The following FSTL4 variants were observed in gnomAD, a reference collection of about 807,000 sequenced individuals.
FSTL4 encodes follistatin like 4.
FSTL4 carries 28 observed loss-of-function variants against 78.2 expected under a neutral mutation model. The observed-to-expected ratio is 0.36, with a 90% CI of 0.27 to 0.49. The LOEUF is 0.49. Ranked by LOEUF, FSTL4 falls within the 20% of genes least tolerant of loss-of-function variation. The pLI is 0.98. For synonymous variants in FSTL4, 422 were observed against 440.5 expected (o/e 0.96, Z 0.53); for missense variants, 922 against 1,084.9 (o/e 0.85, Z 2.11).
the FSTL4 span, among the ~76,000 whole-genome samples, chr5:133,676,402 A>C: frequency 6.6e-6 from 1 of 152,222 alleles, no homozygotes; most frequent in South Asian, 2.1e-4. Context: ...AGTGTTCTTC[A>C]TTCTCTTAAA....
the FSTL4 span, among the ~76,000 whole-genome samples, chr5:133,624,076 T>C: frequency 6.6e-6 from 1 of 151,984 alleles, no homozygotes; most frequent in African/African-American, 2.4e-5. Context: ...AAAATGGTCA[T>C]ATGACCCAGC....
chr5:133,451,611 C>A (rs1360487300), intron 3 of FSTL4, among the ~76,000 whole-genome samples: 1 of 152,012 alleles, frequency 6.6e-6, no homozygotes, highest in Non-Finnish European at 1.5e-5. Context: ...CCAACAGGAC[C>A]AAAACACAGC....
chr5:133,335,126 G>T (rs1225825253), intron 4 of FSTL4, among the ~76,000 whole-genome samples: 1 of 152,196 alleles, frequency 6.6e-6, no homozygotes, highest in South Asian at 2.1e-4. Context: ...TGTTGAAGGC[G>T]TGGCTGGCCG....
At chr5:133,748,290 C>A in the FSTL4 span, among the ~76,000 whole-genome samples, 2 of 152,042 alleles carry the variant, frequency 1.3e-5, no homozygotes, top group Non-Finnish European at 2.9e-5. Flanking sequence ...CATAGAGAGG[C>A]CAGGTGTGGT....
At chr5:133,299,982 C>T (rs1408421278) in intron 6 of FSTL4, among the ~76,000 whole-genome samples, 1 of 152,222 alleles carries the variant, frequency 6.6e-6, no homozygotes, top group Non-Finnish European at 1.5e-5. Flanking sequence ...CCCCACCTTC[C>T]TCACAGCTGG....
chr5:133,468,719 C>T (rs1353929427), intron 3 of FSTL4, among the ~76,000 whole-genome samples: 4 of 152,144 alleles, frequency 2.6e-5, no homozygotes, highest in African/African-American at 7.2e-5. Context: ...GGGCAAACTC[C>T]CCCAGTTGTT....
At chr5:133,374,387 C>T (rs1331503596) in intron 4 of FSTL4, among the ~76,000 whole-genome samples, 1 of 152,198 alleles carries the variant, frequency 6.6e-6, no homozygotes, top group Non-Finnish European at 1.5e-5. Context: ...TTACCAGAGA[C>T]AAGCCTGAGT....
At chr5:133,452,643 ATTGAGGCTCAAAGAGGT>A (rs1386662085) in intron 3 of FSTL4, among the ~76,000 whole-genome samples, 4 of 151,620 alleles carry the variant, frequency 2.6e-5, no homozygotes, top group Non-Finnish European at 5.9e-5. Flanking sequence ...AGATGAAGAA[ATTGAGGCTCAAAGAGGT>A]TAAGCAATCA....
At chr5:133,595,919 G>A (rs1347864798) in intron 2 of FSTL4, among the ~76,000 whole-genome samples, 1 of 152,256 alleles carries the variant, frequency 6.6e-6, no homozygotes, top group Admixed American at 6.5e-5. Flanking sequence ...TGCACTTGAA[G>A]CAAAGGCAGG....
In FSTL4 at chr5:133,295,301, CATCT is replaced by C. The variant is rs374872176; in HGVS notation, c.727+17349_727+17352del. ...CTGTTAACTGGGTCTGCCGCCCATC[CATCT>C]AAGACAATCCCCAACCTGGGCCCTG... On this transcript the variant is annotated intron_variant, in intron 6 of 15. Transcript: ENST00000265342. Among the ~76,000 whole-genome samples, 6 of 152,236 alleles carry C rather than the reference CATCT, an allele frequency of 3.9e-5. No individual in the cohort carries two copies. The East Asian group carries it at 1.2e-3, about 30-fold the overall frequency.
At chr5:133,222,706 C>T (rs898134826) in intron 11 of FSTL4, among the ~76,000 whole-genome samples, 11 of 152,330 alleles carry the variant, frequency 7.2e-5, no homozygotes, top group African/African-American at 2.4e-4. Flanking sequence ...AAGTAATTGA[C>T]TTCACGGGAT....
At chr5:133,791,668 C>T in the FSTL4 span, among the ~76,000 whole-genome samples, 2 of 152,364 alleles carry the variant, frequency 1.3e-5, no homozygotes, top group African/African-American at 4.8e-5. Context: ...AAACTGCCCT[C>T]GTCTGTCTAC....
intron 4 of FSTL4, among the ~76,000 whole-genome samples, chr5:133,346,355 C>T (rs1051403313): frequency 3.3e-5 from 5 of 152,192 alleles, no homozygotes; most frequent in Admixed American, 2.6e-4. Flanking sequence ...CACATGTACA[C>T]GTATGTAACA....
At chr5:133,628,029 A>G in the FSTL4 span, among the ~76,000 whole-genome samples, 148 of 152,284 alleles carry the variant, frequency 9.7e-4, 1 homozygote, top group African/African-American at 3.4e-3. Flanking sequence ...TAAATAAGGA[A>G]ATTAAGGCAG....
chr5:133,298,096 T>G (rs1753446933), intron 6 of FSTL4, among the ~76,000 whole-genome samples: 1 of 152,208 alleles, frequency 6.6e-6, no homozygotes, highest in South Asian at 2.1e-4. Context: ...CCTGTAACTC[T>G]CTAGCTGAGA....
At chr5:133,543,021 C>T (rs1261242982) in intron 3 of FSTL4, among the ~76,000 whole-genome samples, 3 of 151,678 alleles carry the variant, frequency 2.0e-5, no homozygotes, top group African/African-American at 7.3e-5. Context: ...CTTTTCCTAA[C>T]ATTGTGAGGT....
intron 4 of FSTL4, among the ~76,000 whole-genome samples, chr5:133,345,890 G>T (rs530742339): frequency 6.6e-6 from 1 of 152,276 alleles, no homozygotes; most frequent in East Asian, 1.9e-4. Flanking sequence ...CCATTACTGG[G>T]TATATACCCA....
At chr5:133,512,468 G>A (rs1444671607) in intron 3 of FSTL4, among the ~76,000 whole-genome samples, 1 of 152,212 alleles carries the variant, frequency 6.6e-6, no homozygotes, top group East Asian at 1.9e-4. Context: ...AATTTTTCCA[G>A]TTTGTTTTTT....
chr5:133,810,155 C>A, the FSTL4 span, among the ~76,000 whole-genome samples: 349 of 152,340 alleles, frequency 2.3e-3, no homozygotes, highest in African/African-American at 8.0e-3. Context: ...CTGCATAAAA[C>A]CTGCCCATGC....
Sources: allele counts gnomAD v4.1 joint callset (sites outside exome capture counted in the v4.1 genomes callset), GRCh38; gene constraint gnomAD v4.1.1; transcripts MANE v1.5; gene names NCBI Gene and HGNC (gene_info 2026-07-23, HGNC 2026-07-21).